Variants in SPAG16 observed in about 807,000 individuals in gnomAD.
SPAG16 encodes the protein sperm-associated antigen 16 protein.
SPAG16 carries 86 observed loss-of-function variants against 80.4 expected under a neutral mutation model. The ratio of observed to expected loss-of-function variants is 1.07; its 90% CI spans 0.90 to 1.28. SPAG16 has a LOEUF of 1.28. Ranked by LOEUF, SPAG16 falls within the 50% of genes most tolerant of loss-of-function variation. The pLI, the probability that SPAG16 is intolerant of heterozygous loss-of-function variation, is 0.00. For synonymous variants in SPAG16, 294 were observed against 265.9 expected (o/e 1.11, Z -1.03); for missense variants, 870 against 765.3 (o/e 1.14, Z -1.61).
chr2:213,537,171 G>C (rs188668483), intron 10 of SPAG16, among the ~76,000 whole-genome samples: 4 of 109,316 alleles, frequency 3.7e-5, no homozygotes, highest in African/African-American at 7.2e-5. Flanking sequence ...GCGGGGTGGG[G>C]GGAGGGGGGA....
intron 10 of SPAG16, among the ~76,000 whole-genome samples, chr2:213,830,155 G>A (rs2073547754): frequency 1.3e-5 from 2 of 152,154 alleles, no homozygotes; most frequent in Admixed American, 6.5e-5. Context: ...GCCCTCTGTA[G>A]CAAGGCTTGC....
intron 15 of SPAG16, among the ~76,000 whole-genome samples, chr2:214,280,201 G>A (rs558041228): frequency 3.9e-5 from 6 of 152,020 alleles, no homozygotes; most frequent in African/African-American, 9.7e-5. Context: ...TTCACCATGC[G>A]AACTAAAAAA....
At chr2:213,703,212 T>C (rs972480590) in intron 10 of SPAG16, among the ~76,000 whole-genome samples, 11 of 152,202 alleles carry the variant, frequency 7.2e-5, no homozygotes, top group African/African-American at 2.4e-4. Context: ...CTGAGTGTTA[T>C]AGGTCTCTGA....
At chr2:213,864,154 A>C (rs1466948447) in intron 11 of SPAG16, among the ~76,000 whole-genome samples, 1 of 152,166 alleles carries the variant, frequency 6.6e-6, no homozygotes, top group East Asian at 1.9e-4. Context: ...TTTATATCTC[A>C]GACCACAAAC....
chr2:213,902,109 C>G (rs1181492072), intron 11 of SPAG16, among the ~76,000 whole-genome samples: 3 of 152,116 alleles, frequency 2.0e-5, no homozygotes, highest in Non-Finnish European at 4.4e-5. Context: ...AAGATTGAAG[C>G]TTTCAATAAA....
intron 9 of SPAG16, among the ~76,000 whole-genome samples, chr2:213,426,434 A>G (rs990777881): frequency 3.3e-5 from 5 of 151,890 alleles, no homozygotes; most frequent in African/African-American, 9.7e-5. Context: ...TTTATCTGGA[A>G]TTTATTATTG....
intron 12 of SPAG16, among the ~76,000 whole-genome samples, chr2:213,987,613 A>T (rs1168224464): frequency 6.6e-6 from 1 of 151,930 alleles, no homozygotes. Context: ...CTAAACTCGG[A>T]CAATTGTAGC....
At chr2:213,778,677 C>G (rs1055025965) in intron 10 of SPAG16, among the ~76,000 whole-genome samples, 2 of 152,128 alleles carry the variant, frequency 1.3e-5, no homozygotes, top group Non-Finnish European at 2.9e-5. Flanking sequence ...CCCTTCTGTT[C>G]TGTCCCTACT....
At chr2:213,747,855 G>T (rs1056773762) in intron 10 of SPAG16, among the ~76,000 whole-genome samples, 1 of 152,154 alleles carries the variant, frequency 6.6e-6, no homozygotes, top group Non-Finnish European at 1.5e-5. Context: ...TGTCTGTAAC[G>T]TTTGAATCAG....
chr2:213,329,177 G>A lies in SPAG16; in HGVS notation c.537-10986G>A, dbSNP rs117581878. Among the ~76,000 whole-genome samples the A allele has an allele frequency of 6.2e-3, 951 of 152,318 alleles. 45 individuals are homozygous for A. Among genetic ancestry groups the A allele is most frequent in the Admixed American group, 0.056 (855 of 15,292 alleles). On this transcript the variant is annotated intron_variant, in intron 5 of 15. Coordinates refer to ENST00000331683, the MANE Select transcript of SPAG16 (RefSeq NM_024532.5). ...GGATTAATACAGTAAATTGGTACCA[G>A]TATAGTGGGCATTGCTGAAAAGATA... is the stretch of plus-strand genomic sequence containing the variant.
chr2:214,241,281 C>G (rs1689455357), intron 15 of SPAG16: 2 of 150,826 alleles, frequency 1.3e-5, no homozygotes, highest in African/African-American at 4.9e-5. Flanking sequence ...TTGCTTGAAC[C>G]TGAGAGGCGG....
chr2:213,794,671 C>T (rs1039525397), intron 10 of SPAG16, among the ~76,000 whole-genome samples: 2 of 152,128 alleles, frequency 1.3e-5, no homozygotes, highest in African/African-American at 4.8e-5. Flanking sequence ...AAGATAGGTA[C>T]ATTTTGTTTA....
intron 15 of SPAG16, among the ~76,000 whole-genome samples, chr2:214,211,647 G>T (rs954617571): frequency 6.6e-6 from 1 of 152,118 alleles, no homozygotes; most frequent in African/African-American, 2.4e-5. Context: ...CTAGAGAGGG[G>T]ACCTGCAACC....
chr2:214,376,926 T>G (rs1197227032), intron 15 of SPAG16, among the ~76,000 whole-genome samples: 1 of 152,154 alleles, frequency 6.6e-6, no homozygotes. Flanking sequence ...ATTATAAAAA[T>G]TTAAAATTTA....
At chr2:213,878,410 G>C (rs1559546593) in intron 11 of SPAG16, among the ~76,000 whole-genome samples, 1 of 151,766 alleles carries the variant, frequency 6.6e-6, no homozygotes, top group Non-Finnish European at 1.5e-5. Context: ...TTTTTAACTT[G>C]TATTTGTCAA....
rs188838269 is a variant in SPAG16, at chr2:213,328,113, A to G, written c.536+10757A>G. Among the ~76,000 whole-genome samples the G allele has an allele frequency of 2.8e-3, 431 of 152,262 alleles. 2 individuals carry two copies. The highest frequency in any genetic ancestry group is 9.9e-3 in the African/African-American group (410 of 41,560). ...TTATCATATTAGCATTACTCCAATG[A>G]AGTAACCATATCTGTTAGCTGATTA... On this transcript the variant is annotated intron_variant, in intron 5 of 15. Transcript: ENST00000331683.
intron 10 of SPAG16, among the ~76,000 whole-genome samples, chr2:213,776,714 A>C (rs2069601140): frequency 6.6e-6 from 1 of 152,050 alleles, no homozygotes; most frequent in South Asian, 2.1e-4. Flanking sequence ...AAAGACATTG[A>C]CTTTTTTACA....
chr2:214,065,504 C>A (rs1559752421), intron 13 of SPAG16, among the ~76,000 whole-genome samples: 1 of 151,946 alleles, frequency 6.6e-6, no homozygotes, highest in Non-Finnish European at 1.5e-5. Context: ...AGAACAAAAG[C>A]AAATGGCACA....
chr2:213,380,595 G>A (rs1287857694), intron 9 of SPAG16, among the ~76,000 whole-genome samples: 2 of 152,180 alleles, frequency 1.3e-5, no homozygotes, highest in African/African-American at 2.4e-5. Flanking sequence ...TCCAGTTCAC[G>A]ACAGGCAGTT....
Sources: gnomAD v4.1 joint callset for allele counts (sites outside exome capture counted in the v4.1 genomes callset) on GRCh38, gnomAD v4.1.1 for gene constraint, MANE v1.5 for transcripts, NCBI Gene and HGNC (gene_info 2026-07-23, HGNC 2026-07-21) for gene names.